Variants in SRRM4 observed in about 807,000 individuals in gnomAD.
SRRM4 encodes the protein serine/arginine repetitive matrix protein 4.
In SRRM4, 33 loss-of-function variants were observed where a neutral mutation model predicts 68.9. The ratio of observed to expected loss-of-function variants is 0.48; its 90% CI spans 0.36 to 0.64. SRRM4 has a LOEUF of 0.64. Among genes scored for constraint, SRRM4 ranks in the 30% least tolerant of loss-of-function variants. SRRM4 has a pLI of 0.00. For missense variants in SRRM4, 817 were observed against 827.1 expected (o/e 0.99, Z 0.15); for synonymous variants, 318 against 318.8 (o/e 1.00, Z 0.03).
intron 1 of SRRM4, among the ~76,000 whole-genome samples, chr12:119,050,179 T>C (rs1296355442): frequency 6.6e-6 from 1 of 152,210 alleles, no homozygotes; most frequent in Non-Finnish European, 1.5e-5. Context: ...TCAACAATTA[T>C]TTATTAAGCA....
At chr12:119,012,926 A>G (rs1377548022) in intron 1 of SRRM4, among the ~76,000 whole-genome samples, 1 of 152,186 alleles carries the variant, frequency 6.6e-6, no homozygotes, top group East Asian at 1.9e-4. Context: ...GAAGGCGCCA[A>G]AGAAAAATTT....
At chr12:118,984,564 T>C (rs1953270768) in intron 1 of SRRM4, among the ~76,000 whole-genome samples, 1 of 152,208 alleles carries the variant, frequency 6.6e-6, no homozygotes, top group South Asian at 2.1e-4. Flanking sequence ...CCCCTCTGAA[T>C]AAACTTCCTC....
At chr12:119,054,383 G>A (rs1953764338) in intron 1 of SRRM4, among the ~76,000 whole-genome samples, 2 of 152,172 alleles carry the variant, frequency 1.3e-5, no homozygotes, top group South Asian at 4.1e-4. Context: ...TCAGTGAGGT[G>A]GGGAATATTA....
chr12:119,061,795 A>G, intron 1 of SRRM4, among the ~76,000 whole-genome samples: 1 of 151,980 alleles, frequency 6.6e-6, no homozygotes, highest in East Asian at 1.9e-4. Context: ...TGCTCTGTGC[A>G]TGATAAGAGA....
chr12:119,092,604 G>A (rs1411106845), intron 1 of SRRM4, among the ~76,000 whole-genome samples: 1 of 151,896 alleles, frequency 6.6e-6, no homozygotes, highest in African/African-American at 2.4e-5. Context: ...TTCAATAAAA[G>A]TCCATAATCT....
At chr12:119,056,109 CCT>C (rs1352010958) in intron 1 of SRRM4, among the ~76,000 whole-genome samples, 6 of 152,342 alleles carry the variant, frequency 3.9e-5, no homozygotes, top group Middle Eastern at 3.4e-3. Flanking sequence ...GGCCAGCCCC[CCT>C]CTCAGCCTCC....
chr12:119,130,644 A>G (rs770047970), intron 7 of SRRM4, 34 bp from the exon 8 acceptor site: 2 of 1,592,322 alleles, frequency 1.3e-6, no homozygotes, highest in East Asian at 2.2e-5. Flanking sequence ...GCTCCCCTTC[A>G]AAAGACCCTC....
chr12:119,023,134 G>A lies in SRRM4; in HGVS notation c.131+41121G>A, dbSNP rs140578814. ...CTGAGAGCTCAGACTCCTCTGATGA[G>A]GTACACTGTCTTTCCCCCAATCCAA... On this transcript the variant is annotated intron_variant, in intron 1 of 12. Transcript: ENST00000267260. Among the ~76,000 whole-genome samples the A allele has an allele frequency of 3.2e-3, 482 of 152,310 alleles. 8 individuals carry two copies. The highest frequency in any genetic ancestry group is 0.011 in the African/African-American group (449 of 41,566).
chr12:119,058,355 T>A (rs932469828), intron 1 of SRRM4, among the ~76,000 whole-genome samples: 1 of 152,210 alleles, frequency 6.6e-6, no homozygotes, highest in Non-Finnish European at 1.5e-5. Flanking sequence ...GAGTTCATAT[T>A]GTACCCCAGA....
intron 8 of SRRM4, among the ~76,000 whole-genome samples, chr12:119,143,857 C>A (rs912963910): frequency 1.2e-4 from 18 of 152,084 alleles, no homozygotes; most frequent in Non-Finnish European, 2.5e-4. Context: ...AAGGGGGTGC[C>A]TTCTTGGTCC....
At chr12:119,051,821 T>C (rs1953744669) in intron 1 of SRRM4, among the ~76,000 whole-genome samples, 1 of 152,212 alleles carries the variant, frequency 6.6e-6, no homozygotes, top group Non-Finnish European at 1.5e-5. Flanking sequence ...TGATGTTTGG[T>C]GGAGCACATT....
chr12:119,081,321 G>A (rs1041919838), intron 1 of SRRM4, among the ~76,000 whole-genome samples: 15 of 152,138 alleles, frequency 9.9e-5, no homozygotes, highest in Admixed American at 9.8e-4. Flanking sequence ...CAGGGAACAC[G>A]TATCACTAAA....
At chr12:119,024,690 G>C (rs1225298487) in intron 1 of SRRM4, among the ~76,000 whole-genome samples, 1 of 152,210 alleles carries the variant, frequency 6.6e-6, no homozygotes, top group Non-Finnish European at 1.5e-5. Flanking sequence ...AACTGCTCCT[G>C]TCTAAACCCA....
At chr12:119,043,655 G>A (rs904200200) in intron 1 of SRRM4, among the ~76,000 whole-genome samples, 3 of 152,048 alleles carry the variant, frequency 2.0e-5, no homozygotes, top group Admixed American at 1.3e-4. Context: ...TAGATGTGGA[G>A]AGACAATGAG....
chr12:119,048,770 C>T (rs546495905), intron 1 of SRRM4, among the ~76,000 whole-genome samples: 2 of 152,178 alleles, frequency 1.3e-5, no homozygotes, highest in South Asian at 4.2e-4. Flanking sequence ...ACTAAAAATA[C>T]AAAAATTAGT....
chr12:119,098,339 T>C (rs1439498471), intron 1 of SRRM4, among the ~76,000 whole-genome samples: 2 of 152,232 alleles, frequency 1.3e-5, no homozygotes, highest in Non-Finnish European at 2.9e-5. Flanking sequence ...TTGAGCAGTC[T>C]GAGTAGACTG....
chr12:118,987,424 A>G lies in SRRM4; in HGVS notation c.131+5411A>G, dbSNP rs898637134. Among the ~76,000 whole-genome samples, 8 of 152,194 alleles carry G rather than the reference A, an allele frequency of 5.3e-5. No individual in the cohort carries two copies. In the East Asian group the frequency reaches 7.7e-4, roughly 15 times the overall value. On this transcript the variant is annotated intron_variant, in intron 1 of 12. Transcript: ENST00000267260. ...TGGACTGGACTCCTGAGCAGCTCCA[A>G]TGCTCTGTATTCACTTTTAAATGTG...
At chr12:119,078,371 C>A (rs1202076741) in intron 1 of SRRM4, among the ~76,000 whole-genome samples, 3 of 152,118 alleles carry the variant, frequency 2.0e-5, no homozygotes, top group African/African-American at 7.2e-5. Flanking sequence ...ATTACAGGTG[C>A]ACAATTAATG....
At chr12:119,127,684 C>T (rs1954270068) in intron 7 of SRRM4, among the ~76,000 whole-genome samples, 1 of 149,628 alleles carries the variant, frequency 6.7e-6, no homozygotes, top group African/African-American at 2.5e-5. Flanking sequence ...GCCAAGATTG[C>T]ACCATTGCAC....
Sources: gnomAD v4.1 joint callset for allele counts (sites outside exome capture counted in the v4.1 genomes callset) on GRCh38, gnomAD v4.1.1 for gene constraint, MANE v1.5 for transcripts, NCBI Gene and HGNC (gene_info 2026-07-23, HGNC 2026-07-21) for gene names.